The following ATAD3B variants were observed in gnomAD, a reference collection of about 807,000 sequenced individuals.
The protein encoded by ATAD3B is ATPase family AAA domain-containing protein 3B.
In ATAD3B, 59 loss-of-function variants were observed where a neutral mutation model predicts 70.2. That is an observed-to-expected ratio of 0.84 (90% CI 0.68 to 1.04). The LOEUF (loss-of-function observed/expected upper bound fraction) is 1.04, where lower values mean the gene tolerates loss of function less well. Ranked by LOEUF, ATAD3B falls within the 50% of genes least tolerant of loss-of-function variation. The pLI, the probability that ATAD3B is intolerant of heterozygous loss-of-function variation, is 0.00. For synonymous variants in ATAD3B, 423 were observed against 388.6 expected (o/e 1.09, Z -1.04); for missense variants, 961 against 913.4 (o/e 1.05, Z -0.67).
chr1:1,482,437 G>T lies in ATAD3B; in HGVS notation c.681-108G>T, dbSNP rs1261989226. Reference sequence around the variant, plus strand: ...TCCTTGGTGGGGGCACTGCCCCTCTGTCCTGGCAAGGCCGTGCCGCCATGT... The same window carrying T: ...TCCTTGGTGGGGGCACTGCCCCTCTTTCCTGGCAAGGCCGTGCCGCCATGT... On this transcript the variant is annotated intron_variant, in intron 6 of 15. Coordinates refer to ENST00000673477, the MANE Select transcript of ATAD3B (RefSeq NM_031921.6). 3.1e-6 allele frequency: 5 copies of T among 1,599,528 alleles called. No individual in the cohort carries two copies. In the African/African-American group the frequency reaches 6.7e-5, roughly 22 times the overall value.
Position 1,495,980 on chromosome 1 carries a change from T to G in ATAD3B, c.*163T>G. 7.3e-7 allele frequency: 1 copy of G among 1,374,194 alleles called. No homozygotes were observed. Among genetic ancestry groups the G allele is most frequent in the East Asian group, 2.6e-5 (1 of 38,220 alleles). The allele number at this position is 1,374,194 out of a possible 1,614,324, so 85.1% of individuals were successfully genotyped here. A position where few individuals can be genotyped will look rare whatever the true frequency, so the allele number is the denominator to read the frequency against. On this transcript the variant is annotated 3_prime_UTR_variant, in exon 16 of 16. Transcript: ENST00000673477. Reference sequence around the variant, plus strand: ...GGCTGAGCCCCTGGGGCAGAAGGAGTGGGGCAGGCGGGGTCTTTGTTCTCG... The same window carrying G: ...GGCTGAGCCCCTGGGGCAGAAGGAGGGGGGCAGGCGGGGTCTTTGTTCTCG...
the ATAD3B span, among the ~76,000 whole-genome samples, chr1:1,507,088 G>A: frequency 2.6e-5 from 4 of 152,166 alleles, no homozygotes; most frequent in Admixed American, 6.5e-5. Flanking sequence ...CCCGCGCCCA[G>A]CAGGATTCTA....
chr1:1,481,176 C>T (rs1190607060), intron 5 of ATAD3B, among the ~76,000 whole-genome samples: 4 of 110,676 alleles, frequency 3.6e-5, no homozygotes, highest in Non-Finnish European at 5.3e-5. Context: ...GTACAGGGGC[C>T]TTTTTTTTTT....
At chr1:1,487,231 C>T (rs1640267400) in intron 11 of ATAD3B, among the ~76,000 whole-genome samples, 1 of 151,928 alleles carries the variant, frequency 6.6e-6, no homozygotes, top group South Asian at 2.1e-4. Flanking sequence ...TGGCTCACGG[C>T]TGTAATCCCA....
chr1:1,487,105 C>T (rs537774157), intron 11 of ATAD3B, among the ~76,000 whole-genome samples: 51 of 152,204 alleles, frequency 3.4e-4, no homozygotes, highest in African/African-American at 1.1e-3. Context: ...GGGCACAGCC[C>T]GGGCACCCTT....
At position 1,474,481 on chromosome 1, in the gene ATAD3B, C is replaced by T. The variant is rs187825635; in HGVS notation, c.205+2392C>T. Among the ~76,000 whole-genome samples the T allele has an allele frequency of 7.5e-4, 113 of 151,452 alleles. 1 individual carries two copies. Among genetic ancestry groups the T allele is most frequent in the African/African-American group, 2.4e-3 (100 of 41,274 alleles). ...CTGGGATTACAGACGTGAGCCACCG[C>T]GCCCGGCTTTGCTCCGTAATTTTTC... On this transcript the variant is annotated intron_variant, in intron 1 of 15. Transcript: ENST00000673477.
At chr1:1,479,453 C>T (rs1215845520) in intron 4 of ATAD3B, among the ~76,000 whole-genome samples, 1 of 141,456 alleles carries the variant, frequency 7.1e-6, no homozygotes, top group Non-Finnish European at 1.5e-5. Flanking sequence ...CATGGGGAAA[C>T]ATGGGCCCAC....
At chr1:1,485,754 A>T in intron 8 of ATAD3B, 28 bp from the exon 9 acceptor site, 1 of 1,611,570 alleles carries the variant, frequency 6.2e-7, no homozygotes, top group Non-Finnish European at 8.5e-7. Context: ...CAGGTGACCC[A>T]ATGGTGCTTC....
chr1:1,481,988 T>A, intron 5 of ATAD3B, 150 bp from the exon 6 acceptor site: 1 of 1,354,648 alleles, frequency 7.4e-7, no homozygotes, highest in Non-Finnish European at 1.0e-6. Flanking sequence ...AGCCTGTTGG[T>A]GGCGTGGGCC....
chr1:1,485,285 C>T (rs1640145553), intron 8 of ATAD3B, 114 bp downstream of exon 8: 1 of 1,487,718 alleles, frequency 6.7e-7, no homozygotes, highest in Non-Finnish European at 9.0e-7. Flanking sequence ...GGATAACAGG[C>T]ACCCGCACGC....
rs368131751 is a variant in ATAD3B at position 1,485,129 on chromosome 1, G to A, written c.864G>A (p.Thr288=). 361 of 1,610,562 alleles carry A rather than the reference G, an allele frequency of 2.2e-4. No homozygotes were observed. In the East Asian group the frequency reaches 6.0e-3, roughly 27 times the overall value. The change falls in exon 8 of 16, where the codon ACG becomes ACA. Residue 288 remains threonine, a synonymous_variant. Transcript: ENST00000673477. The part of the protein sequence containing the change: ...RLGKPSLVRE[T]SRITVLEALR... ...GGAAGCCGTCCCTAGTGAGGGAGAC[G>A]TCCCGCATCACGGTGCTGGAGGCGC...
chr1:1,471,809 G>C lies in ATAD3B; in HGVS notation c.-76G>C. The C allele has an allele frequency of 8.1e-7, 1 of 1,229,034 alleles. No individual in the cohort carries two copies. The highest frequency in any genetic ancestry group is 1.6e-5 in the African/African-American group (1 of 63,406). 76.1% of individuals were successfully genotyped at this position (1,229,034 alleles called of 1,614,324 possible). ...CCTGGCCACCGGCTCGCGGCGCGTG[G>C]AGGCTGCTCCCAGCCGCGCCCGAGT... On this transcript the variant is annotated 5_prime_UTR_variant, in exon 1 of 16. Coordinates refer to ENST00000673477, the MANE Select transcript of ATAD3B (RefSeq NM_031921.6).
intron 1 of ATAD3B, among the ~76,000 whole-genome samples, chr1:1,476,869 C>T (rs1294022492): frequency 7.3e-5 from 11 of 151,554 alleles, no homozygotes; most frequent in Non-Finnish European, 1.0e-4. Flanking sequence ...TGCGGTGGTG[C>T]GATCTCGGCT....
chr1:1,500,275 G>A (rs1335262567), downstream of ATAD3B, among the ~76,000 whole-genome samples: 7 of 150,496 alleles, frequency 4.7e-5, no homozygotes, highest in East Asian at 2.0e-4. Flanking sequence ...CTTTGTGGCC[G>A]GGTGCGGTGG....
At chr1:1,478,307 G>T in intron 2 of ATAD3B, 1 of 1,030,048 alleles carries the variant, frequency 9.7e-7, no homozygotes, top group Non-Finnish European at 1.4e-6. Context: ...CACTCAGCAG[G>T]ATTCCTAGAA....
Position 1,495,619 on chromosome 1 carries a change from C to G in ATAD3B, c.1749C>G (p.His583Gln). ...KAEGPGRGVE[H>Q]PLSGVQGETL... ...AGGGGCCTGGGCGCGGGGTCGAGCACCCCCTATCCGGAGTCCAAGGCGAGA... is the reference window on the plus strand; with the variant it reads ...AGGGGCCTGGGCGCGGGGTCGAGCAGCCCCTATCCGGAGTCCAAGGCGAGA... The change falls in exon 16 of 16, where the codon CAC (histidine) becomes CAG (glutamine). Residue 583 changes from histidine to glutamine, a missense_variant. Physicochemically the swap from His to Gln is conservative, Grantham distance 24. Coordinates refer to ENST00000673477, the MANE Select transcript of ATAD3B (RefSeq NM_031921.6). 1 of 1,613,028 alleles carries G rather than the reference C, an allele frequency of 6.2e-7. No homozygotes were observed. The highest frequency in any genetic ancestry group is 8.5e-7 in the Non-Finnish European group (1 of 1,179,460).
At chr1:1,494,882 C>T (rs371209494) in intron 15 of ATAD3B, among the ~76,000 whole-genome samples, 11 of 152,152 alleles carry the variant, frequency 7.2e-5, no homozygotes, top group South Asian at 6.2e-4. Flanking sequence ...CCACGCCCTT[C>T]GCTGGCACTG....
At chr1:1,491,331 G>C (rs1640529515) in intron 15 of ATAD3B, among the ~76,000 whole-genome samples, 1 of 151,886 alleles carries the variant, frequency 6.6e-6, no homozygotes, top group Non-Finnish European at 1.5e-5. Context: ...GTCAGATTGA[G>C]ACCATCCTGG....
chr1:1,486,165 A>T lies in ATAD3B; in HGVS notation c.1019A>T (p.Lys340Met), dbSNP rs370502580. The change falls in exon 10 of 16, where the codon AAG becomes ATG. Residue 340 changes from lysine to methionine, a missense_variant. Coordinates refer to ENST00000673477, the MANE Select transcript of ATAD3B (RefSeq NM_031921.6). ...DIAIATRNTKKNRGLYRHILL... is the reference protein window; with the variant it reads ...DIAIATRNTKMNRGLYRHILL... ...GCCATAGCAACCAGGAACACCAAGAAGAACCGGGGCCTGTACAGGCACATC... is the reference window on the plus strand; with the variant it reads ...GCCATAGCAACCAGGAACACCAAGATGAACCGGGGCCTGTACAGGCACATC... The T allele has an allele frequency of 1.2e-6, 2 of 1,613,198 alleles. No homozygotes were observed. Among genetic ancestry groups the T allele is most frequent in the Non-Finnish European group, 1.7e-6 (2 of 1,179,670 alleles).
Sources: gnomAD v4.1 joint callset for allele counts (sites outside exome capture counted in the v4.1 genomes callset) on GRCh38, gnomAD v4.1.1 for gene constraint, MANE v1.5 for transcripts, NCBI Gene and HGNC (gene_info 2026-07-23, HGNC 2026-07-21) for gene names.